The following EYS variants were observed in gnomAD, a reference collection of about 807,000 sequenced individuals.
EYS encodes protein eyes shut homolog.
A neutral mutation model predicts 282.1 loss-of-function variants in EYS; 250 were observed. The observed-to-expected ratio is 0.89, with a 90% confidence interval of 0.80 to 0.98. The LOEUF (loss-of-function observed/expected upper bound fraction) is 0.98, where lower values mean the gene tolerates loss of function less well. Ranked by LOEUF, EYS falls within the 50% of genes least tolerant of loss-of-function variation. The probability of loss-of-function intolerance (pLI) is 0.00; values close to 1 mark genes in which losing one functional copy is unlikely to be tolerated. For missense variants in EYS, 4,016 were observed against 3,709.0 expected, an observed-to-expected ratio of 1.08 and a Z score of -2.15; for synonymous variants, 1,355 against 1,282.9, an observed-to-expected ratio of 1.06 and a Z score of -1.20.
chr6:64,712,109 T>A (rs1312407498), intron 22 of EYS, among the ~76,000 whole-genome samples: 2 of 152,320 alleles, frequency 1.3e-5, no homozygotes, highest in Non-Finnish European at 2.9e-5. Flanking sequence ...AGATGGGGTT[T>A]CACTAGGTAC....
chr6:63,721,762 CG>C lies in EYS; in HGVS notation c.8268del (p.Val2757PhefsTer14). 1 of 1,550,906 alleles carries C rather than the reference CG, an allele frequency of 6.4e-7. No homozygotes were observed. ...DFLCISLVNSSVQLRYNLGDR... is the reference protein window; with the variant it reads ...DFLCISLVNSXVQLRYNLGDR... ...TCGCCAAGGTTGTAGCGAAGTTGAACGGAACTATTTACTAAAGAGATGCATA... is the reference window on the plus strand; with the variant it reads ...TCGCCAAGGTTGTAGCGAAGTTGAACGAACTATTTACTAAAGAGATGCATA... On this transcript the variant is annotated frameshift_variant, in exon 43 of 43. Transcript: ENST00000503581. LOFTEE classifies it low-confidence loss of function (END_TRUNC).
chr6:64,434,293 A>G (rs1346427358), intron 28 of EYS, among the ~76,000 whole-genome samples: 1 of 152,080 alleles, frequency 6.6e-6, no homozygotes, highest in East Asian at 1.9e-4. Context: ...TGCCTGTAGA[A>G]TAGTGAGAAA....
intron 19 of EYS, among the ~76,000 whole-genome samples, chr6:64,882,202 A>G (rs1766947322): frequency 1.3e-5 from 2 of 151,774 alleles, no homozygotes; most frequent in Non-Finnish European, 3.0e-5. Flanking sequence ...TCCAGATTAA[A>G]CAGAGCAAAA....
chr6:63,998,806 T>A (rs978210757), intron 34 of EYS, among the ~76,000 whole-genome samples: 2 of 139,606 alleles, frequency 1.4e-5, no homozygotes, highest in South Asian at 4.7e-4. Context: ...TTTTTTTTTT[T>A]TAAAGTCAAG....
intron 13 of EYS, among the ~76,000 whole-genome samples, chr6:65,020,262 C>T (rs915956054): frequency 2.0e-5 from 3 of 152,154 alleles, no homozygotes; most frequent in African/African-American, 7.2e-5. Context: ...GTCCCTTCTA[C>T]CTATGAGCCT....
intron 35 of EYS, among the ~76,000 whole-genome samples, chr6:63,906,602 G>A (rs1449547060): frequency 2.0e-5 from 3 of 152,072 alleles, no homozygotes; most frequent in East Asian, 1.9e-4. Context: ...CTTACTGAAC[G>A]CTTTTGAAAA....
intron 35 of EYS, among the ~76,000 whole-genome samples, chr6:63,974,151 T>G (rs1267218978): frequency 1.3e-5 from 2 of 152,132 alleles, no homozygotes; most frequent in Non-Finnish European, 2.9e-5. Context: ...GTCAAGCTTT[T>G]CACACAATTT....
chr6:64,004,675 C>G (rs368349808), intron 33 of EYS, among the ~76,000 whole-genome samples: 1 of 152,082 alleles, frequency 6.6e-6, no homozygotes, highest in African/African-American at 2.4e-5. Flanking sequence ...TTGAGCTAAG[C>G]ACTTAATATT....
chr6:65,607,380 G>C (rs1765833764), intron 2 of EYS, among the ~76,000 whole-genome samples: 1 of 151,694 alleles, frequency 6.6e-6, no homozygotes, highest in Non-Finnish European at 1.5e-5. Flanking sequence ...TCTTTCTCAA[G>C]TTTTTTACCC....
chr6:64,408,019 G>A (rs1479093701), intron 28 of EYS, among the ~76,000 whole-genome samples: 4 of 152,054 alleles, frequency 2.6e-5, no homozygotes, highest in East Asian at 1.9e-4. Context: ...GAGCCACGGC[G>A]TCCAGCCGCA....
intron 16 of EYS, among the ~76,000 whole-genome samples, chr6:64,911,371 G>C (rs1767985294): frequency 6.6e-6 from 1 of 151,980 alleles, no homozygotes; most frequent in African/African-American, 2.4e-5. Context: ...CTAGCTTTTA[G>C]TTTTAATCCT....
At chr6:64,826,673 T>C (rs1016646890) in intron 19 of EYS, among the ~76,000 whole-genome samples, 1 of 123,258 alleles carries the variant, frequency 8.1e-6, no homozygotes, top group Non-Finnish European at 1.7e-5. Flanking sequence ...TATAAATACA[T>C]GATTTTATGT....
In EYS at chr6:64,185,490, T is replaced by C. The variant is rs796661488; in HGVS notation, c.6424+45102A>G. On this transcript the variant is annotated intron_variant, in intron 31 of 42. Transcript: ENST00000503581. ...CTTAGTCCATCTGCCTTTTCTGTAATCAGTGAATGACAAATTAATTATACT... is the reference window on the plus strand; with the variant it reads ...CTTAGTCCATCTGCCTTTTCTGTAACCAGTGAATGACAAATTAATTATACT... 3.3e-5 allele frequency among the ~76,000 whole-genome samples: 5 copies of C among 152,294 alleles called. No individual in the cohort carries two copies. The South Asian group carries it at 6.2e-4, about 19-fold the overall frequency.
At chr6:64,144,994 T>G (rs994015366) in intron 31 of EYS, among the ~76,000 whole-genome samples, 2 of 152,186 alleles carry the variant, frequency 1.3e-5, no homozygotes, top group Non-Finnish European at 2.9e-5. Context: ...CTTTTTCTTT[T>G]GGTGGCTGGA....
intron 6 of EYS, among the ~76,000 whole-genome samples, chr6:65,403,356 C>T (rs1766591123): frequency 6.6e-6 from 1 of 151,990 alleles, no homozygotes; most frequent in African/African-American, 2.4e-5. Context: ...CATATTTCTT[C>T]CTCTTGCTGT....
chr6:65,448,962 G>T (rs1329894266), intron 5 of EYS, among the ~76,000 whole-genome samples: 3 of 152,044 alleles, frequency 2.0e-5, no homozygotes, highest in Non-Finnish European at 2.9e-5. Context: ...ATTCTAGTTA[G>T]AAACAACAGT....
intron 29 of EYS, among the ~76,000 whole-genome samples, chr6:64,388,303 T>A (rs1772979088): frequency 6.6e-6 from 1 of 152,280 alleles, no homozygotes; most frequent in South Asian, 2.1e-4. Flanking sequence ...CTGGGGATGG[T>A]CTTCCAATTC....
At position 65,218,634 on chromosome 6, in the gene EYS, C is replaced by G. The variant is rs1014032715; in HGVS notation, c.2023+77229G>C. On this transcript the variant is annotated intron_variant, in intron 12 of 42. Transcript: ENST00000503581. ...TGAAATGAAAAACACATGAATCAGACTTCAACCTAGTCCCAGGCCTAAGTC... is the reference window on the plus strand; with the variant it reads ...TGAAATGAAAAACACATGAATCAGAGTTCAACCTAGTCCCAGGCCTAAGTC... Among the ~76,000 whole-genome samples the G allele has an allele frequency of 2.6e-5, 4 of 152,124 alleles. No individual in the cohort carries two copies. The East Asian group carries it at 7.7e-4, about 29-fold the overall frequency.
Position 65,225,137 on chromosome 6 carries a change from A to G in EYS, c.2023+70726T>C, listed in dbSNP as rs564505796. Among the ~76,000 whole-genome samples, 268 of 151,970 alleles carry G rather than the reference A, an allele frequency of 1.8e-3. 12 individuals are homozygous for G. In the South Asian group the frequency reaches 0.052, roughly 30 times the overall value. ...AAAGGAACAAAAATTATACACCAAT[A>G]TATCTTATGGATATAGTTAGAAAAC... On this transcript the variant is annotated intron_variant, in intron 12 of 42. Coordinates refer to ENST00000503581, the MANE Select transcript of EYS (RefSeq NM_001142800.2).
Sources: gnomAD v4.1 joint callset for allele counts (sites outside exome capture counted in the v4.1 genomes callset) on GRCh38, gnomAD v4.1.1 for gene constraint, MANE v1.5 for transcripts, NCBI Gene and HGNC (gene_info 2026-07-23, HGNC 2026-07-21) for gene names.